FBXO28: variants seen among roughly 807,000 people sequenced by gnomAD.
FBXO28 encodes F-box protein 28, also known as F-box only protein 28.
A neutral mutation model predicts 38.1 loss-of-function variants in FBXO28; 8 were observed. The ratio of observed to expected loss-of-function variants is 0.21; its 90% CI spans 0.12 to 0.38. The LOEUF (loss-of-function observed/expected upper bound fraction) is 0.38. FBXO28 is among the 10% of genes least tolerant of loss of function. The pLI, the probability that FBXO28 is intolerant of heterozygous loss-of-function variation, is 1.00. For synonymous variants in FBXO28, 168 were observed against 173.8 expected, an observed-to-expected ratio of 0.97 and a Z score of 0.26; for missense variants, 345 against 460.6, an observed-to-expected ratio of 0.75 and a Z score of 2.30.
At chr1:224,149,055 A>C (rs554278030) in intron 3 of FBXO28, among the ~76,000 whole-genome samples, 73 of 152,246 alleles carry the variant, frequency 4.8e-4, no homozygotes, top group African/African-American at 1.7e-3. Context: ...CAACAGTCCT[A>C]TTCTAGCCCA....
chr1:224,116,901 G>T (rs936252504), intron 1 of FBXO28, among the ~76,000 whole-genome samples: 2 of 152,094 alleles, frequency 1.3e-5, no homozygotes, highest in African/African-American at 4.8e-5. Flanking sequence ...TTGGCTGGGC[G>T]CAGTGGCTTA....
intron 1 of FBXO28, among the ~76,000 whole-genome samples, chr1:224,123,852 T>TA (rs1656841491): frequency 6.6e-6 from 1 of 152,324 alleles, no homozygotes; most frequent in South Asian, 2.1e-4. Context: ...CCCATGCCTG[T>TA]AATCCCAGCA....
Position 224,157,693 on chromosome 1 carries a change from A to G in FBXO28, c.1054A>G (p.Thr352Ala). ...EESPRKRKKA[T>A]EAIDSLRKSK... ...GTCTCCTCGGAAACGAAAAAAGGCC[A>G]CGGAAGCCATAGACTCTCTTAGGAA... Residue 352 changes from threonine (T) to alanine (A), a missense_variant, in exon 5 of 5, where the codon ACG (threonine) becomes GCG (alanine). Physicochemically the swap from Thr to Ala is moderately conservative, Grantham distance 58 (BLOSUM62 0). Around this residue, in one of 6 missense-constraint regions of FBXO28, gnomAD observed 151 missense variants for 188.3 expected, o/e 0.80. Transcript: ENST00000366862. The G allele has an allele frequency of 6.2e-7, 1 of 1,613,816 alleles. No homozygotes were observed. The highest frequency in any genetic ancestry group is 1.1e-5 in the South Asian group (1 of 91,024).
At chr1:224,129,652 T>G (rs1044007889) in intron 1 of FBXO28, among the ~76,000 whole-genome samples, 1 of 152,228 alleles carries the variant, frequency 6.6e-6, no homozygotes, top group Admixed American at 6.5e-5. Context: ...GATACTTTTT[T>G]GCCTGCACAT....
Position 224,115,540 on chromosome 1 carries a change from T to G in FBXO28, c.267+1144T>G, listed in dbSNP as rs546905991. On this transcript the variant is annotated intron_variant, in intron 1 of 4. Coordinates refer to ENST00000366862, the MANE Select transcript of FBXO28 (RefSeq NM_015176.4). ...TTTTTAAAAGAGAACTTATAAATAT[T>G]AATTCAAACTGATGGCCAATTTTTT... Among the ~76,000 whole-genome samples, 6 of 152,334 alleles carry G rather than the reference T, an allele frequency of 3.9e-5. No homozygotes were observed. The East Asian group carries it at 1.2e-3, about 29-fold the overall frequency.
chr1:224,130,900 TAAACCA>T, intron 2 of FBXO28: 1 of 200,634 alleles, frequency 5.0e-6, no homozygotes, highest in Non-Finnish European at 1.0e-5. Context: ...TTAAAGCTAG[TAAACCA>T]GTTCAGCAAG....
At chr1:224,140,415 C>G (rs1052330106) in intron 3 of FBXO28, among the ~76,000 whole-genome samples, 1 of 152,164 alleles carries the variant, frequency 6.6e-6, no homozygotes, top group African/African-American at 2.4e-5. Flanking sequence ...CTTTGTGTCA[C>G]TTGATCATCA....
intron 1 of FBXO28, among the ~76,000 whole-genome samples, chr1:224,116,961 G>A (rs1451734389): frequency 6.6e-6 from 1 of 151,940 alleles, no homozygotes; most frequent in Non-Finnish European, 1.5e-5. Context: ...GATCACCTGA[G>A]GTCAGGAGTT....
chr1:224,128,498 C>T (rs1235683663), intron 1 of FBXO28, among the ~76,000 whole-genome samples: 7 of 151,938 alleles, frequency 4.6e-5, no homozygotes. Flanking sequence ...TTTTATATAG[C>T]ACTTTAGAGT....
intron 3 of FBXO28, among the ~76,000 whole-genome samples, chr1:224,143,846 A>G (rs1378023712): frequency 6.6e-6 from 1 of 150,808 alleles, no homozygotes; most frequent in Non-Finnish European, 1.5e-5. Flanking sequence ...AAAAAAAAAA[A>G]AAAGAAAAAT....
chr1:224,129,972 A>G (rs943348431), intron 1 of FBXO28, among the ~76,000 whole-genome samples: 1 of 151,972 alleles, frequency 6.6e-6, no homozygotes, highest in African/African-American at 2.4e-5. Context: ...CCTGTGCGAC[A>G]GGGTGAGACT....
intron 3 of FBXO28, among the ~76,000 whole-genome samples, chr1:224,146,702 A>ATTT (rs5781350): frequency 0.068 from 7,490 of 109,838 alleles, 217 homozygotes; most frequent in Middle Eastern, 0.13. Context: ...TAAAACTAAA[A>ATTT]TTTTTTTTTT....
In FBXO28 at chr1:224,153,207, T is replaced by G; in HGVS notation, c.582T>G (p.His194Gln). The G allele has an allele frequency of 6.2e-7, 1 of 1,611,482 alleles. No homozygotes were observed. The highest frequency in any genetic ancestry group is 8.5e-7 in the Non-Finnish European group (1 of 1,179,198). ...VNSTRAPQRA[H>Q]EVLQELRDIS... ...CTACCAGAGCCCCTCAACGAGCTCA[T>G]GAAGTACTTCAAGAATTAAGGGATA... is the stretch of plus-strand genomic sequence containing the variant. Residue 194 changes from histidine to glutamine, a missense_variant, in exon 4 of 5, where the codon CAT becomes CAG. His to Gln is a conservative substitution (Grantham distance 24). Coordinates refer to ENST00000366862, the MANE Select transcript of FBXO28 (RefSeq NM_015176.4).
At chr1:224,118,484 G>A (rs1328274853) in intron 1 of FBXO28, among the ~76,000 whole-genome samples, 2 of 152,118 alleles carry the variant, frequency 1.3e-5, no homozygotes, top group Non-Finnish European at 2.9e-5. Context: ...TAAAGGTTAA[G>A]TTGAGAATTC....
chr1:224,114,718 T>G (rs1656605626), intron 1 of FBXO28, among the ~76,000 whole-genome samples: 1 of 151,398 alleles, frequency 6.6e-6, no homozygotes, highest in African/African-American at 2.4e-5. Context: ...GGCCCGAGAG[T>G]AGACCCGGAG....
intron 3 of FBXO28, among the ~76,000 whole-genome samples, chr1:224,138,641 ACAAC>A (rs964471953): frequency 2.0e-4 from 31 of 152,088 alleles, no homozygotes; most frequent in African/African-American, 7.3e-4. Flanking sequence ...ATACTGACAC[ACAAC>A]CGTATGTGAG....
intron 1 of FBXO28, among the ~76,000 whole-genome samples, chr1:224,129,361 A>G (rs1328757272): frequency 6.6e-6 from 1 of 152,214 alleles, no homozygotes; most frequent in Non-Finnish European, 1.5e-5. Context: ...TTTGGAGGAT[A>G]TACAGTGTCT....
intron 3 of FBXO28, among the ~76,000 whole-genome samples, chr1:224,144,896 T>C (rs796519479): frequency 8.5e-5 from 13 of 152,202 alleles, no homozygotes; most frequent in Non-Finnish European, 1.9e-4. Context: ...CATAGCTCAC[T>C]GATTGACCAA....
Position 224,153,097 on chromosome 1 carries a change from TAAAA to T in FBXO28, c.517-42_517-39del, listed in dbSNP as rs773123292. On this transcript the variant is annotated intron_variant, in intron 3 of 4. Coordinates refer to ENST00000366862, the MANE Select transcript of FBXO28 (RefSeq NM_015176.4). ...CTGCCTGTTTAGCTATTTTCTTTAT[TAAAA>T]AAGAAAAATCTAAAGTGCTAATGAG... 2.6e-6 allele frequency: 4 copies of T among 1,520,676 alleles called. No individual in the cohort carries two copies. The African/African-American group carries it at 5.6e-5, about 21-fold the overall frequency. 94.2% of individuals were successfully genotyped at this position (1,520,676 alleles called of 1,614,324 possible). A position where few individuals can be genotyped will look rare whatever the true frequency, so the allele number is the denominator to read the frequency against.
Sources: allele counts gnomAD v4.1 joint callset (sites outside exome capture counted in the v4.1 genomes callset), GRCh38; gene constraint gnomAD v4.1.1; regional missense constraint gnomAD v4.1.1; transcripts MANE v1.5; gene names NCBI Gene and HGNC (gene_info 2026-07-23, HGNC 2026-07-21).